TMTC1: variants seen among roughly 807,000 people sequenced by gnomAD.
The protein encoded by TMTC1 is protein O-mannosyl-transferase TMTC1.
Under a neutral mutation model 104.8 loss-of-function variants are expected in TMTC1, and 73 were observed. The observed-to-expected ratio is 0.70, with a 90% CI of 0.58 to 0.85. TMTC1 has a LOEUF of 0.85. Among genes scored for constraint, TMTC1 ranks in the 40% least tolerant of loss-of-function variants. The pLI, the probability that TMTC1 is intolerant of heterozygous loss-of-function variation, is 0.00. For synonymous variants in TMTC1, 434 were observed against 428.7 expected, an observed-to-expected ratio of 1.01 and a Z score of -0.15; for missense variants, 1,035 against 1,096.1, an observed-to-expected ratio of 0.94 and a Z score of 0.79.
At chr12:29,675,607 CA>C (rs1231765246) in intron 5 of TMTC1, among the ~76,000 whole-genome samples, 66 of 71,830 alleles carry the variant, frequency 9.2e-4, no homozygotes, top group African/African-American at 3.9e-3. Flanking sequence ...CACACACACA[CA>C]CACACACACA....
At chr12:29,759,950 C>T (rs1175948709) in intron 2 of TMTC1, among the ~76,000 whole-genome samples, 2 of 152,154 alleles carry the variant, frequency 1.3e-5, no homozygotes, top group East Asian at 3.8e-4. Flanking sequence ...TCAATAACAA[C>T]TTTCAGGTCA....
chr12:29,660,156 T>C (rs189794367), intron 5 of TMTC1, among the ~76,000 whole-genome samples: 46 of 152,346 alleles, frequency 3.0e-4, no homozygotes, highest in Non-Finnish European at 4.0e-4. Context: ...GTACCTTACC[T>C]CTGTTCTGGA....
At chr12:29,726,390 TGTTA>T (rs1231579892) in intron 5 of TMTC1, among the ~76,000 whole-genome samples, 1 of 148,180 alleles carries the variant, frequency 6.7e-6, no homozygotes, top group Admixed American at 6.7e-5. Flanking sequence ...ATATTTACTC[TGTTA>T]GTTACAGAGA....
chr12:29,527,859 T>C (rs1401970133), intron 11 of TMTC1, among the ~76,000 whole-genome samples: 3 of 152,298 alleles, frequency 2.0e-5, no homozygotes, highest in South Asian at 4.1e-4. Flanking sequence ...CCACTAGAAA[T>C]GATATTTTCA....
At chr12:29,751,987 T>A in intron 4 of TMTC1, 115 bp from the exon 5 acceptor site, 1 of 948,968 alleles carries the variant, frequency 1.1e-6, no homozygotes, top group South Asian at 1.7e-5. Flanking sequence ...ACAACCATTC[T>A]CAAGTCTTTA....
intron 5 of TMTC1, among the ~76,000 whole-genome samples, chr12:29,734,456 A>C (rs1267590607): frequency 6.6e-6 from 1 of 152,166 alleles, no homozygotes; most frequent in Non-Finnish European, 1.5e-5. Context: ...ACCATTTGGC[A>C]TGCTCTGCCT....
chr12:29,655,654 A>G (rs1396294175), intron 5 of TMTC1, among the ~76,000 whole-genome samples: 1 of 152,222 alleles, frequency 6.6e-6, no homozygotes, highest in African/African-American at 2.4e-5. Context: ...GCATACCACA[A>G]TGAATTTGAA....
intron 5 of TMTC1, among the ~76,000 whole-genome samples, chr12:29,663,583 C>G (rs1940134407): frequency 6.6e-6 from 1 of 151,904 alleles, no homozygotes; most frequent in African/African-American, 2.4e-5. Flanking sequence ...GTGGCGTGAT[C>G]TCAGCTCACT....
chr12:29,657,376 C>T (rs1939810477), intron 5 of TMTC1, among the ~76,000 whole-genome samples: 1 of 152,076 alleles, frequency 6.6e-6, no homozygotes, highest in Non-Finnish European at 1.5e-5. Context: ...GGGAGAGATA[C>T]CTAAAAATGG....
At chr12:29,520,536 T>C in intron 12 of TMTC1, 82 bp downstream of exon 12, 8 of 1,214,604 alleles carry the variant, frequency 6.6e-6, no homozygotes, top group Non-Finnish European at 9.6e-6. Flanking sequence ...ATTTTACTTC[T>C]GAGGATTATT....
intron 5 of TMTC1, among the ~76,000 whole-genome samples, chr12:29,657,334 T>C (rs2136627575): frequency 6.6e-6 from 1 of 152,330 alleles, no homozygotes; most frequent in South Asian, 2.1e-4. Flanking sequence ...TAAAAATATC[T>C]GGATGAGCAG....
chr12:29,773,370 C>A (rs1056532477), intron 1 of TMTC1, among the ~76,000 whole-genome samples: 3 of 152,114 alleles, frequency 2.0e-5, no homozygotes, highest in African/African-American at 2.4e-5. Flanking sequence ...TTAAGATAAA[C>A]CCCATCACTG....
chr12:29,695,994 T>G (rs1460859657), intron 5 of TMTC1, among the ~76,000 whole-genome samples: 1 of 151,896 alleles, frequency 6.6e-6, no homozygotes, highest in African/African-American at 2.4e-5. Flanking sequence ...TTCCAAATTT[T>G]TCTCTTGATG....
chr12:29,574,238 T>G (rs758881388), intron 8 of TMTC1, among the ~76,000 whole-genome samples: 1 of 152,110 alleles, frequency 6.6e-6, no homozygotes, highest in Non-Finnish European at 1.5e-5. Flanking sequence ...CTTCTTCTTC[T>G]TTTTTTAAAA....
intron 2 of TMTC1, among the ~76,000 whole-genome samples, chr12:29,764,424 C>G (rs144708141): frequency 6.6e-6 from 1 of 152,250 alleles, no homozygotes; most frequent in Admixed American, 6.5e-5. Context: ...GGGAGGATTG[C>G]TTGAGCCCAG....
rs1943668094 is a variant in TMTC1, at chr12:29,505,038, G to A, written c.*1808C>T. ...ACTATTAGAAACAAATGGTTGTAGTGGTAACATATACATTCTTGGATTACT... is the reference window on the plus strand; with the variant it reads ...ACTATTAGAAACAAATGGTTGTAGTAGTAACATATACATTCTTGGATTACT... On this transcript the variant is annotated 3_prime_UTR_variant, in exon 18 of 18. Coordinates refer to ENST00000539277, the MANE Select transcript of TMTC1 (RefSeq NM_001193451.2). 6.6e-6 allele frequency: 1 copy of A among 152,054 alleles called. No individual in the cohort carries two copies. The highest frequency in any genetic ancestry group is 1.5e-5 in the Non-Finnish European group (1 of 68,004). 9.4% of individuals were successfully genotyped at this position (152,054 alleles called of 1,614,324 possible).
At chr12:29,572,059 G>T (rs1315852949) in intron 9 of TMTC1, 46 bp downstream of exon 9, 9 of 1,459,176 alleles carry the variant, frequency 6.2e-6, no homozygotes, top group Non-Finnish European at 8.6e-6. Flanking sequence ...AATAAACAAC[G>T]GTCTTTAAAG....
At chr12:29,747,485 G>A (rs1942983034) in intron 5 of TMTC1, among the ~76,000 whole-genome samples, 1 of 152,150 alleles carries the variant, frequency 6.6e-6, no homozygotes. Flanking sequence ...ATTTTTCCCT[G>A]TATTAGATAA....
chr12:29,755,645 C>A, intron 4 of TMTC1, 64 bp downstream of exon 4: 1 of 877,618 alleles, frequency 1.1e-6, no homozygotes, highest in Non-Finnish European at 1.6e-6. Context: ...AGTTTGGAAA[C>A]TATTAAGTAA....
Sources: allele counts gnomAD v4.1 joint callset (sites outside exome capture counted in the v4.1 genomes callset), GRCh38; gene constraint gnomAD v4.1.1; transcripts MANE v1.5; gene names NCBI Gene and HGNC (gene_info 2026-07-23, HGNC 2026-07-21).